NFILZ: variants seen among roughly 807,000 people sequenced by gnomAD.
NFILZ encodes NFIL3 like basic leucine zipper, also known as NFIL3 like protein.
intron 3 of NFILZ, among the ~76,000 whole-genome samples, chr19:8,646,190 C>T (rs2042938682): frequency 6.6e-6 from 1 of 152,024 alleles, no homozygotes; most frequent in Admixed American, 6.6e-5. Flanking sequence ...GTGTGTTCCA[C>T]CACACCCAAC....
rs1268492284 is a variant in NFILZ at position 8,677,934 on chromosome 19, CCATCCATT to C, written c.*313_*320del. On this transcript the variant is annotated 3_prime_UTR_variant, in exon 6 of 6. Coordinates refer to ENST00000691075, the MANE Select transcript of NFILZ (RefSeq NM_001378600.1). ...TCCATTTATCTATTCTTCCCTATAGCCATCCATTCATCCATTCATCCTCATTTATTCAT... is the reference window on the plus strand; with the variant it reads ...TCCATTTATCTATTCTTCCCTATAGCCATCCATTCATCCTCATTTATTCAT... Among the ~76,000 whole-genome samples the C allele has an allele frequency of 1.3e-5, 2 of 151,952 alleles. No homozygotes were observed. Among genetic ancestry groups the C allele is most frequent in the African/African-American group, 4.8e-5 (2 of 41,352 alleles).
chr19:8,635,609 G>A (rs1403831564), intron 2 of NFILZ, 41 bp from the exon 3 acceptor site: 1 of 152,156 alleles, frequency 6.6e-6, no homozygotes, highest in Non-Finnish European at 1.5e-5. Context: ...AGGAGTCCCT[G>A]GTATGGATGT....
chr19:8,652,103 A>ATTTTT (rs35038370), intron 3 of NFILZ, among the ~76,000 whole-genome samples: 2 of 141,806 alleles, frequency 1.4e-5, no homozygotes, highest in African/African-American at 5.3e-5. Flanking sequence ...CCACTGGGAG[A>ATTTTT]TTTTTTTTTT....
rs1452493824 is a variant in NFILZ, at chr19:8,632,474, A to G, written c.-410-2A>G. On this transcript the variant is annotated splice_acceptor_variant, in intron 1 of 5. Transcript: ENST00000691075. LOFTEE classifies it low-confidence loss of function (5UTR_SPLICE). ...AGACCTTGCTGATAAAACTGGTTGC[A>G]GTAAAGAAGCCGGCCCAAACCCATC... 1 of 152,178 alleles carries G rather than the reference A, an allele frequency of 6.6e-6. No homozygotes were observed. Among genetic ancestry groups the G allele is most frequent in the Non-Finnish European group, 1.5e-5 (1 of 68,052 alleles). The allele number at this position is 152,178 out of a possible 1,614,324, so 9.4% of individuals were successfully genotyped here.
At chr19:8,664,430 G>A (rs560037262) in intron 3 of NFILZ, among the ~76,000 whole-genome samples, 29 of 152,136 alleles carry the variant, frequency 1.9e-4, no homozygotes, top group Non-Finnish European at 3.5e-4. Context: ...GGCTGGGCAC[G>A]GGAGATACCA....
Position 8,656,329 on chromosome 19 carries a change from C to CACCTCCTCCCGCAGCGCA in NFILZ, c.-163-18222_-163-18221insACCTCCTCCCGCAGCGCA, listed in dbSNP as rs1461476995. On this transcript the variant is annotated intron_variant, in intron 3 of 5. Transcript: ENST00000691075. The stretch of plus-strand genomic sequence containing the variant: ...CGCAGCGCACCTCCTCCCTGAAGCC[C>CACCTCCTCCCGCAGCGCA]CCTTCTTCCTGAAGCCCACCTCTTC... Among the ~76,000 whole-genome samples, 329 of 48,812 alleles carry CACCTCCTCCCGCAGCGCA rather than the reference C, an allele frequency of 6.7e-3. 15 individuals carry two copies. Among genetic ancestry groups the CACCTCCTCCCGCAGCGCA allele is most frequent in the Admixed American group, 0.014 (73 of 5,094 alleles). The allele number at this position is 48,812 out of a possible 152,430, so 32.0% of individuals were successfully genotyped here.
chr19:8,679,519 A>G lies in NFILZ; in HGVS notation c.*1884A>G, dbSNP rs547353378. On this transcript the variant is annotated 3_prime_UTR_variant, in exon 6 of 6. Transcript: ENST00000691075. ...CTACTCCAAGTTTATCAGAGCCACA[A>G]ATGTGTGCAGGGTGAGGACGTACAA... is the stretch of plus-strand genomic sequence containing the variant. 6.6e-6 allele frequency among the ~76,000 whole-genome samples: 1 copy of G among 152,132 alleles called. No homozygotes were observed. The highest frequency in any genetic ancestry group is 6.5e-5 in the Admixed American group (1 of 15,284).
chr19:8,662,599 T>C (rs2043036831), intron 3 of NFILZ, among the ~76,000 whole-genome samples: 1 of 149,952 alleles, frequency 6.7e-6, no homozygotes, highest in Non-Finnish European at 1.5e-5. Context: ...CCAAGAGAGG[T>C]GGCAGGTGGA....
chr19:8,653,547 C>A (rs2042978908), intron 3 of NFILZ, among the ~76,000 whole-genome samples: 2 of 152,104 alleles, frequency 1.3e-5, no homozygotes, highest in Admixed American at 1.3e-4. Flanking sequence ...GCACAATTCA[C>A]AATTGCAAAG....
intron 3 of NFILZ, among the ~76,000 whole-genome samples, chr19:8,650,933 G>A (rs1211020461): frequency 2.0e-5 from 3 of 152,040 alleles, no homozygotes; most frequent in African/African-American, 7.2e-5. Flanking sequence ...CATGTACAGA[G>A]GCAGTCCACA....
At chr19:8,633,063 C>G (rs2042877797) in intron 2 of NFILZ, among the ~76,000 whole-genome samples, 1 of 145,044 alleles carries the variant, frequency 6.9e-6, no homozygotes, top group Non-Finnish European at 1.5e-5. Flanking sequence ...CTCTGTCACT[C>G]AGGCTGGAGT....
chr19:8,635,800 T>G (rs2042891769), intron 3 of NFILZ, 54 bp downstream of exon 3: 1 of 152,150 alleles, frequency 6.6e-6, no homozygotes, highest in Admixed American at 6.6e-5. Context: ...TCTCTCTCTC[T>G]GTCTCTGACT....
chr19:8,658,340 C>A (rs1568422195), intron 3 of NFILZ, among the ~76,000 whole-genome samples: 1 of 152,088 alleles, frequency 6.6e-6, no homozygotes. Context: ...TGGGGCCAGG[C>A]AGTCTTTTGT....
chr19:8,662,410 G>A (rs782603934), intron 3 of NFILZ, among the ~76,000 whole-genome samples: 4 of 151,890 alleles, frequency 2.6e-5, no homozygotes, highest in Non-Finnish European at 5.9e-5. Flanking sequence ...AGGGAGGAGC[G>A]ATGTGAGTGT....
intron 3 of NFILZ, among the ~76,000 whole-genome samples, chr19:8,659,478 G>A (rs1019845139): frequency 1.3e-5 from 2 of 151,776 alleles, no homozygotes; most frequent in South Asian, 2.1e-4. Flanking sequence ...GAGGCCCTGC[G>A]GTGACTCCGA....
intron 4 of NFILZ, among the ~76,000 whole-genome samples, 84 bp downstream of exon 4, chr19:8,674,684 TG>T (rs2043103219): frequency 6.6e-6 from 1 of 152,174 alleles, no homozygotes; most frequent in Non-Finnish European, 1.5e-5. Context: ...GAACATACTT[TG>T]GGAAATGTGG....
At position 8,652,103 on chromosome 19, in the gene NFILZ, A is replaced by ATTTTTT. The variant is rs35038370; in HGVS notation, c.-164+16369_-164+16374dup. Among the ~76,000 whole-genome samples, 1,076 of 141,740 alleles carry ATTTTTT rather than the reference A, an allele frequency of 7.6e-3. 18 individuals are homozygous for ATTTTTT. The highest frequency in any genetic ancestry group is 0.027 in the African/African-American group (1,033 of 38,030). 93.0% of individuals were successfully genotyped at this position (141,740 alleles called of 152,430 possible). ...TGTACTTTGCTGTGACCACTGGGAGATTTTTTTTTTTTTTTTTGAAACGGA... is the reference window on the plus strand; with the variant it reads ...TGTACTTTGCTGTGACCACTGGGAGATTTTTTTTTTTTTTTTTTTTTTTGAAACGGA... On this transcript the variant is annotated intron_variant, in intron 3 of 5. Coordinates refer to ENST00000691075, the MANE Select transcript of NFILZ (RefSeq NM_001378600.1).
intron 3 of NFILZ, among the ~76,000 whole-genome samples, chr19:8,642,838 A>G (rs992578081): frequency 7.9e-5 from 12 of 152,094 alleles, no homozygotes; most frequent in African/African-American, 2.9e-4. Flanking sequence ...ACTGGAGGAA[A>G]TGACAAATAT....
intron 3 of NFILZ, among the ~76,000 whole-genome samples, chr19:8,644,160 G>A (rs1395301064): frequency 6.6e-6 from 1 of 152,172 alleles, no homozygotes; most frequent in East Asian, 1.9e-4. Context: ...GAGTGCAGTG[G>A]TATGGTCTTG....
Sources: allele counts gnomAD v4.1 joint callset (sites outside exome capture counted in the v4.1 genomes callset), GRCh38; gene constraint gnomAD v4.1.1; transcripts MANE v1.5; gene names NCBI Gene and HGNC (gene_info 2026-07-23, HGNC 2026-07-21).